DAB1: variants seen among roughly 807,000 people sequenced by gnomAD.
DAB1 encodes disabled homolog 1.
In DAB1, 15 loss-of-function variants were observed where a neutral mutation model predicts 64.6. That is an observed-to-expected ratio of 0.23 (90% CI 0.16 to 0.36). DAB1 has a LOEUF of 0.36. Ranked by LOEUF, DAB1 falls within the 10% of genes least tolerant of loss-of-function variation. The pLI is 1.00. For synonymous variants in DAB1, 235 were observed against 251.9 expected (o/e 0.93, Z 0.64); for missense variants, 596 against 706.7 (o/e 0.84, Z 1.78).
At chr1:57,963,241 C>T (rs1365114967) in intron 5 of DAB1, among the ~76,000 whole-genome samples, 1 of 152,176 alleles carries the variant, frequency 6.6e-6, no homozygotes, top group Non-Finnish European at 1.5e-5. Context: ...ACATAACTCA[C>T]TTTAGACCAT....
chr1:57,044,707 C>G (rs952614219), intron 9 of DAB1, among the ~76,000 whole-genome samples: 2 of 152,204 alleles, frequency 1.3e-5, no homozygotes, highest in African/African-American at 4.8e-5. Flanking sequence ...TAGCCCATAT[C>G]TCCTTAGTAA....
At chr1:58,219,025 C>CTCTCTCTCTCTCTCTCTG (rs376130413) in intron 4 of DAB1, among the ~76,000 whole-genome samples, 2,515 of 129,274 alleles carry the variant, frequency 0.019, 64 homozygotes, top group East Asian at 0.085. Flanking sequence ...CTCTCTCTCT[C>CTCTCTCTCTCTCTCTCTG]TGTGTGTGTG....
chr1:57,906,918 A>G (rs1369889326), intron 5 of DAB1, among the ~76,000 whole-genome samples: 3 of 150,436 alleles, frequency 2.0e-5, no homozygotes, highest in East Asian at 2.0e-4. Flanking sequence ...CACACATATA[A>G]AAATAAGAAT....
chr1:58,069,475 G>A (rs1649095643), intron 5 of DAB1, among the ~76,000 whole-genome samples: 1 of 152,130 alleles, frequency 6.6e-6, no homozygotes, highest in South Asian at 2.1e-4. Context: ...GGCGTACCAA[G>A]AATACATACA....
chr1:58,048,250 A>T, intron 5 of DAB1: 1 of 1,290,078 alleles, frequency 7.8e-7, no homozygotes, highest in South Asian at 1.2e-5. Context: ...ACAGTTTGGC[A>T]AAGTATTGGC....
intron 6 of DAB1, among the ~76,000 whole-genome samples, chr1:57,667,928 T>A (rs1646467923): frequency 6.6e-6 from 1 of 151,892 alleles, no homozygotes; most frequent in Non-Finnish European, 1.5e-5. Flanking sequence ...CTCATGCATG[T>A]GGGGCTTAAA....
At chr1:57,663,175 A>G (rs755385099) in intron 6 of DAB1, among the ~76,000 whole-genome samples, 9 of 152,288 alleles carry the variant, frequency 5.9e-5, no homozygotes, top group Non-Finnish European at 1.3e-4. Flanking sequence ...TTATATGGCC[A>G]GAGAAGAAGG....
At chr1:57,688,134 A>G (rs371923387) in intron 6 of DAB1, among the ~76,000 whole-genome samples, 21 of 152,304 alleles carry the variant, frequency 1.4e-4, no homozygotes, top group African/African-American at 5.1e-4. Flanking sequence ...GACAACCAAC[A>G]GAATGGGAGA....
At chr1:58,092,447 C>A (rs1231163288) in intron 5 of DAB1, among the ~76,000 whole-genome samples, 1 of 152,150 alleles carries the variant, frequency 6.6e-6, no homozygotes, top group Admixed American at 6.5e-5. Context: ...CCATCACATT[C>A]CTGGGCTGGT....
At chr1:58,268,141 C>T (rs1661218421) in intron 4 of DAB1, among the ~76,000 whole-genome samples, 1 of 152,142 alleles carries the variant, frequency 6.6e-6, no homozygotes, top group South Asian at 2.1e-4. Flanking sequence ...TAAGTTTCCT[C>T]ACCTATAAAT....
intron 6 of DAB1, among the ~76,000 whole-genome samples, chr1:57,756,615 G>A (rs1173570687): frequency 1.3e-5 from 2 of 152,010 alleles, no homozygotes; most frequent in Non-Finnish European, 2.9e-5. Context: ...AGAATAAATT[G>A]AGATCAGTGT....
chr1:57,365,902 C>T (rs1679959911), intron 1 of DAB1, among the ~76,000 whole-genome samples: 1 of 152,160 alleles, frequency 6.6e-6, no homozygotes. Context: ...ACTGGTATTT[C>T]ATGCTAGTTC....
intron 4 of DAB1, among the ~76,000 whole-genome samples, chr1:58,250,891 G>A (rs897825409): frequency 2.0e-5 from 3 of 152,086 alleles, no homozygotes; most frequent in Non-Finnish European, 4.4e-5. Flanking sequence ...CCTTCTTGGG[G>A]TGTTCACAGG....
intron 3 of DAB1, among the ~76,000 whole-genome samples, chr1:58,448,158 C>T (rs1181058339): frequency 2.0e-5 from 3 of 152,166 alleles, no homozygotes; most frequent in Non-Finnish European, 4.4e-5. Context: ...AAACATACCC[C>T]TCATGCCTCA....
At chr1:58,392,831 T>C (rs1287497376) in intron 3 of DAB1, among the ~76,000 whole-genome samples, 1 of 152,212 alleles carries the variant, frequency 6.6e-6, no homozygotes, top group Non-Finnish European at 1.5e-5. Flanking sequence ...TGTATAGCAT[T>C]TGAGTTTGTT....
At chr1:58,364,200 T>C (rs945254638) in intron 3 of DAB1, among the ~76,000 whole-genome samples, 2 of 152,210 alleles carry the variant, frequency 1.3e-5, no homozygotes, top group African/African-American at 4.8e-5. Context: ...GAGGGAAGCC[T>C]GTCCCATCTG....
chr1:57,662,330 G>A (rs1646396791), intron 6 of DAB1, among the ~76,000 whole-genome samples: 1 of 152,116 alleles, frequency 6.6e-6, no homozygotes, highest in South Asian at 2.1e-4. Context: ...CTTTGTAGCT[G>A]GAATTACAGG....
At chr1:58,246,366 C>T (rs1351288533) in intron 4 of DAB1, among the ~76,000 whole-genome samples, 13 of 152,124 alleles carry the variant, frequency 8.5e-5, no homozygotes, top group East Asian at 3.9e-4. Context: ...TCAAGAGGGG[C>T]GTTTAAAGAG....
intron 11 of DAB1, among the ~76,000 whole-genome samples, chr1:57,016,291 A>C (rs1646429181): frequency 6.6e-6 from 1 of 152,140 alleles, no homozygotes; most frequent in South Asian, 2.1e-4. Context: ...GAGAATAAAA[A>C]AAAAATAGGG....
Sources: allele counts gnomAD v4.1 joint callset (sites outside exome capture counted in the v4.1 genomes callset), GRCh38; gene constraint gnomAD v4.1.1; transcripts MANE v1.5; gene names NCBI Gene and HGNC (gene_info 2026-07-23, HGNC 2026-07-21).